The following NDST4 variants were observed in gnomAD, a reference collection of about 807,000 sequenced individuals.
NDST4 encodes the protein N-deacetylase and N-sulfotransferase 4.
NDST4 carries 63 observed loss-of-function variants against 100.8 expected under a neutral mutation model. That is an observed-to-expected ratio of 0.62 (90% CI 0.51 to 0.77). NDST4 has a LOEUF of 0.77. Ranked by LOEUF, NDST4 falls within the 30% of genes least tolerant of loss-of-function variation. The pLI is 0.00. For synonymous variants in NDST4, 377 were observed against 361.8 expected (o/e 1.04, Z -0.48); for missense variants, 943 against 1,018.4 (o/e 0.93, Z 1.01).
At position 115,042,709 on chromosome 4, in the gene NDST4, G is replaced by A. The variant is rs531924226; in HGVS notation, c.978+33350C>T. On this transcript the variant is annotated intron_variant, in intron 2 of 13. Coordinates refer to ENST00000264363, the MANE Select transcript of NDST4 (RefSeq NM_022569.3). ...ATCCACTAAGGAAGTATCCCCTGGCGGTGAGGGGAGACTACTGCACTCATT... is the reference window on the plus strand; with the variant it reads ...ATCCACTAAGGAAGTATCCCCTGGCAGTGAGGGGAGACTACTGCACTCATT... Among the ~76,000 whole-genome samples the A allele has an allele frequency of 8.8e-4, 134 of 152,092 alleles. No individual in the cohort carries two copies. The Middle Eastern group carries it at 0.01, about 12-fold the overall frequency.
intron 2 of NDST4, among the ~76,000 whole-genome samples, chr4:115,070,124 AC>A (rs1729043626): frequency 6.6e-6 from 1 of 152,172 alleles, no homozygotes. Context: ...ATACATGCAT[AC>A]AATCATTGCA....
At position 115,013,352 on chromosome 4, in the gene NDST4, T is replaced by TATATATATATATATATATATATATAC. The variant is rs1727599450; in HGVS notation, c.979-36079_979-36078insGTATATATATATATATATATATATAT. 5.8e-5 allele frequency among the ~76,000 whole-genome samples: 5 copies of TATATATATATATATATATATATATAC among 85,702 alleles called. No homozygotes were observed. In the South Asian group the frequency reaches 1.7e-3, roughly 29 times the overall value. The allele number at this position is 85,702 out of a possible 152,430, so 56.2% of individuals were successfully genotyped here. A position where few individuals can be genotyped will look rare whatever the true frequency, so the allele number is the denominator to read the frequency against. On this transcript the variant is annotated intron_variant, in intron 2 of 13. Coordinates refer to ENST00000264363, the MANE Select transcript of NDST4 (RefSeq NM_022569.3). ...TCCATAAAAATATAAATACCATATA[T>TATATATATATATATATATATATATAC]ATATATATATATATATATACACACA...
At chr4:114,956,277 T>C (rs1399995457) in intron 4 of NDST4, among the ~76,000 whole-genome samples, 1 of 152,114 alleles carries the variant, frequency 6.6e-6, no homozygotes, top group Non-Finnish European at 1.5e-5. Context: ...GAGGTTTTGC[T>C]CAGGGAGAGA....
intron 4 of NDST4, among the ~76,000 whole-genome samples, chr4:114,963,306 A>AT (rs1726305111): frequency 6.6e-6 from 1 of 152,180 alleles, no homozygotes; most frequent in South Asian, 2.1e-4. Flanking sequence ...TAAAAACATT[A>AT]TGCTAAGTGA....
At chr4:115,061,476 A>G (rs1387006678) in intron 2 of NDST4, among the ~76,000 whole-genome samples, 2 of 152,130 alleles carry the variant, frequency 1.3e-5, no homozygotes, top group Non-Finnish European at 2.9e-5. Context: ...CTTTGCAGGA[A>G]AATGAATGAA....
chr4:115,049,830 G>A (rs1460901824), intron 2 of NDST4, among the ~76,000 whole-genome samples: 3 of 152,086 alleles, frequency 2.0e-5, no homozygotes, highest in Non-Finnish European at 4.4e-5. Context: ...TTCAGGTTAT[G>A]TAAAACATAT....
chr4:115,063,705 C>G (rs1728871739), intron 2 of NDST4, among the ~76,000 whole-genome samples: 1 of 151,716 alleles, frequency 6.6e-6, no homozygotes, highest in Non-Finnish European at 1.5e-5. Context: ...CATAGAAAAC[C>G]AACCAGAAAA....
At chr4:114,964,063 ACT>A (rs1165202861) in intron 4 of NDST4, among the ~76,000 whole-genome samples, 3 of 152,094 alleles carry the variant, frequency 2.0e-5, no homozygotes, top group African/African-American at 7.2e-5. Flanking sequence ...ATAATAAAAG[ACT>A]CTGAATCAAT....
rs567427545 is a variant in NDST4, at chr4:114,943,628, A to G, written c.1222-6125T>C. Among the ~76,000 whole-genome samples, 44 of 152,236 alleles carry G rather than the reference A, an allele frequency of 2.9e-4. 1 individual carries two copies. Among genetic ancestry groups the G allele is most frequent in the African/African-American group, 1.0e-3 (43 of 41,546 alleles). On this transcript the variant is annotated intron_variant, in intron 4 of 13. Coordinates refer to ENST00000264363, the MANE Select transcript of NDST4 (RefSeq NM_022569.3). ...GTAGAGAGATTATTTCCGTTTTCACATAATTATATATAATATTTTAAGTAC... is the reference window on the plus strand; with the variant it reads ...GTAGAGAGATTATTTCCGTTTTCACGTAATTATATATAATATTTTAAGTAC...
chr4:114,917,987 A>T (rs773774385), intron 6 of NDST4, among the ~76,000 whole-genome samples: 1 of 152,230 alleles, frequency 6.6e-6, no homozygotes, highest in Non-Finnish European at 1.5e-5. Context: ...TCATGTCAAT[A>T]CTTGAGTGGA....
At chr4:114,962,544 A>G (rs1484540600) in intron 4 of NDST4, among the ~76,000 whole-genome samples, 1 of 152,162 alleles carries the variant, frequency 6.6e-6, no homozygotes, top group East Asian at 1.9e-4. Flanking sequence ...TGGAATTTTA[A>G]AAGATTTTTG....
intron 4 of NDST4, among the ~76,000 whole-genome samples, chr4:114,964,759 T>C (rs1268709916): frequency 6.6e-6 from 1 of 152,166 alleles, no homozygotes; most frequent in Non-Finnish European, 1.5e-5. Context: ...TCGTCTTTTC[T>C]CATTTCCTTC....
intron 10 of NDST4, among the ~76,000 whole-genome samples, chr4:114,842,497 A>C (rs72893318): frequency 0.11 from 16,477 of 151,596 alleles, 941 homozygotes; most frequent in Middle Eastern, 0.15. Context: ...AAAACGACAA[A>C]AATACTTTTT....
At chr4:115,033,141 A>G (rs1353070783) in intron 2 of NDST4, among the ~76,000 whole-genome samples, 2 of 125,640 alleles carry the variant, frequency 1.6e-5, no homozygotes, top group Non-Finnish European at 3.2e-5. Context: ...GTATATATAT[A>G]TATATATATA....
intron 1 of NDST4, among the ~76,000 whole-genome samples, chr4:115,085,022 G>A (rs931285161): frequency 6.6e-6 from 1 of 152,194 alleles, no homozygotes; most frequent in African/African-American, 2.4e-5. Context: ...AAGCAGATGT[G>A]AGGGGGGCTG....
chr4:115,030,032 T>G (rs1728081582), intron 2 of NDST4, among the ~76,000 whole-genome samples: 1 of 150,306 alleles, frequency 6.7e-6, no homozygotes, highest in Non-Finnish European at 1.5e-5. Context: ...CCTTATTGTG[T>G]AATTTTGTTA....
chr4:115,035,560 G>A (rs907398814), intron 2 of NDST4, among the ~76,000 whole-genome samples: 1 of 151,900 alleles, frequency 6.6e-6, no homozygotes, highest in African/African-American at 2.4e-5. Flanking sequence ...AGCAAATTGT[G>A]GAAACATAAT....
chr4:115,047,508 T>A (rs920080816), intron 2 of NDST4, among the ~76,000 whole-genome samples: 1 of 152,132 alleles, frequency 6.6e-6, no homozygotes, highest in African/African-American at 2.4e-5. Context: ...AACTTATTTT[T>A]CAAAAGGTAA....
chr4:115,056,475 A>T (rs524021), intron 2 of NDST4, among the ~76,000 whole-genome samples: 38,764 of 152,094 alleles, frequency 0.25, 6,703 homozygotes, highest in African/African-American at 0.46. Flanking sequence ...TTGATTGTAG[A>T]TTATTTTCCA....
Sources: gnomAD v4.1 joint callset for allele counts (sites outside exome capture counted in the v4.1 genomes callset) on GRCh38, gnomAD v4.1.1 for gene constraint, MANE v1.5 for transcripts, NCBI Gene and HGNC (gene_info 2026-07-23, HGNC 2026-07-21) for gene names.